Variants in ZNF273 observed in about 807,000 individuals in gnomAD.
ZNF273 encodes the protein zinc finger protein 273, also known as zinc finger protein 9.
In ZNF273, 11 loss-of-function variants were observed where a neutral mutation model predicts 14.9. The ratio of observed to expected loss-of-function variants is 0.74; its 90% CI spans 0.46 to 1.22. ZNF273 has a LOEUF of 1.22. ZNF273 is among the 50% of genes most tolerant of loss of function. The pLI, the probability that ZNF273 is intolerant of heterozygous loss-of-function variation, is 0.00. For synonymous variants in ZNF273, 199 were observed against 223.9 expected (o/e 0.89, Z 0.99); for missense variants, 577 against 660.6 (o/e 0.87, Z 1.39).
At position 64,930,524 on chromosome 7, in the gene ZNF273, A is replaced by G. The variant is rs2129109619; in HGVS notation, c.*1486A>G. The G allele has an allele frequency of 6.6e-6, 1 of 152,292 alleles. No individual in the cohort carries two copies. The highest frequency in any genetic ancestry group is 1.9e-4 in the East Asian group (1 of 5,180). 9.4% of individuals were successfully genotyped at this position (152,292 alleles called of 1,614,324 possible). ...AACTTAGATTTTTAAACATGTTTTA[A>G]CATGTTAAGACTTGTGCATTCAGTG... On this transcript the variant is annotated 3_prime_UTR_variant, in exon 4 of 4. Coordinates refer to ENST00000476120, the MANE Select transcript of ZNF273 (RefSeq NM_021148.3).
At chr7:64,884,511 T>A (rs1331607673), downstream of ZNF273, among the ~76,000 whole-genome samples, 1 of 152,174 alleles carries the variant, frequency 6.6e-6, no homozygotes, top group Non-Finnish European at 1.5e-5. Context: ...GTGAGACCTC[T>A]TCTCCGTCTT....
downstream of ZNF273, chr7:64,889,695 C>T (rs1314335937): frequency 5.1e-6 from 5 of 985,854 alleles, no homozygotes; most frequent in African/African-American, 7.0e-5. The surrounding 1 kb of genome is among the most constrained non-coding windows in gnomAD (Gnocchi z 4.2). Flanking sequence ...GCCCCGCAAA[C>T]GCTCGGGATG....
At chr7:64,891,786 G>A (rs1792054077), downstream of ZNF273, among the ~76,000 whole-genome samples, 2 of 152,252 alleles carry the variant, frequency 1.3e-5, no homozygotes, top group African/African-American at 2.4e-5. Context: ...CAGCTGATAA[G>A]TGGGGTGTGG....
chr7:64,925,614 T>G (rs987531618), intron 3 of ZNF273, among the ~76,000 whole-genome samples: 4 of 151,888 alleles, frequency 2.6e-5, no homozygotes, highest in African/African-American at 9.7e-5. Context: ...ATTTTTGTAT[T>G]TTTTTAGTAG....
chr7:64,882,981 G>T (rs368039069), downstream of ZNF273, among the ~76,000 whole-genome samples: 20 of 152,322 alleles, frequency 1.3e-4, 1 homozygote, highest in East Asian at 2.3e-3. Context: ...CTGTGTGTGC[G>T]CGTGTGTGTG....
chr7:64,929,223 C>A lies in ZNF273; in HGVS notation c.*185C>A. ...ATATCTGCTCATATCTTAACATCAGCGAGTTGGTATTTAATAAAAGCATTA... is the reference window on the plus strand; with the variant it reads ...ATATCTGCTCATATCTTAACATCAGAGAGTTGGTATTTAATAAAAGCATTA... On this transcript the variant is annotated 3_prime_UTR_variant, in exon 4 of 4. Transcript: ENST00000476120. 6.2e-6 allele frequency: 1 copy of A among 161,676 alleles called. No homozygotes were observed. The highest frequency in any genetic ancestry group is 1.1e-5 in the Non-Finnish European group (1 of 90,086). 10.0% of individuals were successfully genotyped at this position (161,676 alleles called of 1,614,324 possible).
chr7:64,926,179 A>G (rs934476550), intron 3 of ZNF273, among the ~76,000 whole-genome samples: 24 of 118,076 alleles, frequency 2.0e-4, no homozygotes, highest in Admixed American at 1.3e-3. Context: ...GACTTTGACT[A>G]TATCACACAG....
At chr7:64,913,313 A>G (rs534958332) in intron 1 of ZNF273, among the ~76,000 whole-genome samples, 1 of 152,360 alleles carries the variant, frequency 6.6e-6, no homozygotes, top group African/African-American at 2.4e-5. Context: ...ACAGAGAAAC[A>G]GAAGAAGAAG....
chr7:64,898,340 A>G (rs1224326564), upstream of ZNF273, among the ~76,000 whole-genome samples: 1 of 152,200 alleles, frequency 6.6e-6, no homozygotes, highest in Admixed American at 6.5e-5. Context: ...TTGCCATTTT[A>G]ATGATGACAG....
At chr7:64,917,183 T>C in intron 1 of ZNF273, 1 of 1,020,258 alleles carries the variant, frequency 9.8e-7, no homozygotes, top group Non-Finnish European at 1.3e-6. Flanking sequence ...AAAATCTGCA[T>C]AACAAGATCT....
At chr7:64,891,556 T>C (rs1425047550), downstream of ZNF273, among the ~76,000 whole-genome samples, 1 of 152,226 alleles carries the variant, frequency 6.6e-6, no homozygotes, top group East Asian at 1.9e-4. Flanking sequence ...CCAGACATCG[T>C]TGTGGCCCTG....
chr7:64,900,014 C>T (rs763645547), upstream of ZNF273, among the ~76,000 whole-genome samples: 3 of 152,100 alleles, frequency 2.0e-5, no homozygotes, highest in Non-Finnish European at 4.4e-5. Context: ...CCTGCCTCGG[C>T]CTCCCAAAGT....
chr7:64,905,516 G>C (rs1366432562), intron 1 of ZNF273, among the ~76,000 whole-genome samples: 2 of 149,172 alleles, frequency 1.3e-5, no homozygotes, highest in South Asian at 2.1e-4. Flanking sequence ...ACAGATTGCT[G>C]GTCAGCCAAT....
chr7:64,922,473 G>A (rs1242756973), intron 3 of ZNF273, among the ~76,000 whole-genome samples: 2 of 151,540 alleles, frequency 1.3e-5, no homozygotes, highest in African/African-American at 4.8e-5. Flanking sequence ...GGATTACAGC[G>A]ACTAATTTTT....
chr7:64,899,665 AG>A (rs201886356), upstream of ZNF273, among the ~76,000 whole-genome samples: 62 of 152,058 alleles, frequency 4.1e-4, no homozygotes, highest in East Asian at 6.9e-3. Flanking sequence ...AAAAAAAAAA[AG>A]AAAAAATATT....
At chr7:64,885,054 C>T (rs1021367918) in intron 1 of ZNF273, among the ~76,000 whole-genome samples, 1 of 152,194 alleles carries the variant, frequency 6.6e-6, no homozygotes, top group African/African-American at 2.4e-5. Context: ...AGCCTTGGCT[C>T]GCGTGTCAGT....
At chr7:64,890,932 T>C (rs1791990982), downstream of ZNF273, among the ~76,000 whole-genome samples, 1 of 152,198 alleles carries the variant, frequency 6.6e-6, no homozygotes, top group African/African-American at 2.4e-5. Context: ...GCCACAAGCC[T>C]TTGTTGGCTC....
rs1794831423 is a variant in ZNF273, at chr7:64,927,750, A to G, written c.422A>G (p.His141Arg). 1 of 1,613,630 alleles carries G rather than the reference A, an allele frequency of 6.2e-7. No individual in the cohort carries two copies. The highest frequency in any genetic ancestry group is 8.5e-7 in the Non-Finnish European group (1 of 1,179,880). ...VILRRYGKYG[H>R]ENLQLRKGCK... The stretch of plus-strand genomic sequence containing the variant: ...CTGAGAAGATATGGAAAATATGGAC[A>G]TGAGAATTTACAATTAAGAAAAGGC... The change falls in exon 4 of 4, where the codon CAT (histidine) becomes CGT (arginine). Residue 141 changes from histidine to arginine, a missense_variant. Around this residue, in one of 3 missense-constraint regions of ZNF273, gnomAD observed 162 missense variants for 203.5 expected, o/e 0.80. Transcript: ENST00000476120.
upstream of ZNF273, among the ~76,000 whole-genome samples, chr7:64,902,679 C>G (rs1426733311): frequency 1.3e-5 from 2 of 152,112 alleles, no homozygotes; most frequent in Non-Finnish European, 2.9e-5. Context: ...CACTGCACTC[C>G]AGCCTGGAAG....
Sources: allele counts gnomAD v4.1 joint callset (sites outside exome capture counted in the v4.1 genomes callset), GRCh38; gene constraint gnomAD v4.1.1; regional missense constraint gnomAD v4.1.1; non-coding constraint Gnocchi (gnomAD v3.1); transcripts MANE v1.5; gene names NCBI Gene and HGNC (gene_info 2026-07-23, HGNC 2026-07-21).